The following TMEM132B variants were observed in gnomAD, a reference collection of about 807,000 sequenced individuals.
TMEM132B encodes the protein transmembrane protein 132B.
TMEM132B carries 18 observed loss-of-function variants against 90.8 expected under a neutral mutation model. The ratio of observed to expected loss-of-function variants is 0.20; its 90% confidence interval spans 0.14 to 0.29. The LOEUF (loss-of-function observed/expected upper bound fraction) is 0.29, where lower values mean the gene tolerates loss of function less well. Among genes scored for constraint, TMEM132B ranks in the 10% least tolerant of loss-of-function variants. The pLI is 1.00. For synonymous variants in TMEM132B, 504 were observed against 523.3 expected, an observed-to-expected ratio of 0.96 and a Z score of 0.50; for missense variants, 1,096 against 1,326.8, an observed-to-expected ratio of 0.83 and a Z score of 2.70.
intron 3 of TMEM132B, among the ~76,000 whole-genome samples, chr12:125,479,136 G>A (rs1299612158): frequency 5.3e-5 from 8 of 152,094 alleles, no homozygotes; most frequent in Admixed American, 1.3e-4. Flanking sequence ...AGGAACAACC[G>A]GTACCAGCCA....
chr12:125,546,114 A>G (rs528378596), intron 4 of TMEM132B, among the ~76,000 whole-genome samples: 1 of 152,260 alleles, frequency 6.6e-6, no homozygotes, highest in Non-Finnish European at 1.5e-5. Flanking sequence ...GTTCCCACAT[A>G]TATATAATGT....
At chr12:125,615,630 T>TCTTC (rs1169935113) in intron 5 of TMEM132B, among the ~76,000 whole-genome samples, 1 of 152,246 alleles carries the variant, frequency 6.6e-6, no homozygotes, top group Non-Finnish European at 1.5e-5. Flanking sequence ...CTTCTTTTAC[T>TCTTC]TCTTTATGCT....
intron 2 of TMEM132B, among the ~76,000 whole-genome samples, chr12:125,358,530 A>T (rs1258761500): frequency 1.3e-5 from 2 of 151,444 alleles, no homozygotes; most frequent in Non-Finnish European, 2.9e-5. Flanking sequence ...TTCTTTTTAT[A>T]TTTTTTTCTA....
intron 1 of TMEM132B, among the ~76,000 whole-genome samples, chr12:125,309,774 C>A (rs1358607524): frequency 6.6e-6 from 1 of 152,162 alleles, no homozygotes; most frequent in Non-Finnish European, 1.5e-5. Flanking sequence ...TGCTGCATAA[C>A]AAACTACCCC....
At chr12:125,323,325 A>G (rs979128379) in intron 1 of TMEM132B, among the ~76,000 whole-genome samples, 3 of 152,102 alleles carry the variant, frequency 2.0e-5, no homozygotes, top group Non-Finnish European at 2.9e-5. Flanking sequence ...AGTCTCAGCT[A>G]TTTGGGAGGC....
Position 125,484,912 on chromosome 12 carries a change from A to AT in TMEM132B, c.1107-34519dup, listed in dbSNP as rs202127253. 5.9e-3 allele frequency among the ~76,000 whole-genome samples: 894 copies of AT among 151,864 alleles called. 15 individuals carry two copies. Among genetic ancestry groups the AT allele is most frequent in the African/African-American group, 0.018 (763 of 41,400 alleles). On this transcript the variant is annotated intron_variant, in intron 3 of 8. Transcript: ENST00000682704. ...GAGCCACTGCACCCTATTTAGACCT[A>AT]TTTTTTTTCCACCTTTTCTCTTAAA...
chr12:125,555,684 GCA>G (rs1177255318), intron 4 of TMEM132B, among the ~76,000 whole-genome samples: 1 of 150,156 alleles, frequency 6.7e-6, no homozygotes, highest in Non-Finnish European at 1.5e-5. Flanking sequence ...TGCACGTTGT[GCA>G]CATGTACCCT....
intron 8 of TMEM132B, among the ~76,000 whole-genome samples, chr12:125,652,931 A>C (rs1226859341): frequency 6.6e-6 from 1 of 152,152 alleles, no homozygotes; most frequent in Non-Finnish European, 1.5e-5. Flanking sequence ...ACGTGTTTTC[A>C]CTTTTGCCAA....
At chr12:125,382,931 G>T (rs916871893) in intron 2 of TMEM132B, among the ~76,000 whole-genome samples, 4 of 152,194 alleles carry the variant, frequency 2.6e-5, no homozygotes, top group African/African-American at 4.8e-5. Context: ...GACAGGTAAA[G>T]GTAGGGGTCC....
chr12:125,431,995 G>A (rs774755065), intron 3 of TMEM132B, among the ~76,000 whole-genome samples: 21 of 152,104 alleles, frequency 1.4e-4, no homozygotes, highest in East Asian at 3.9e-4. Flanking sequence ...ATAGGGGGCC[G>A]TGTTTTTAAA....
At chr12:125,540,697 C>G (rs1311773801) in intron 4 of TMEM132B, among the ~76,000 whole-genome samples, 1 of 152,242 alleles carries the variant, frequency 6.6e-6, no homozygotes, top group African/African-American at 2.4e-5. Context: ...ACCAGCATCT[C>G]TTGCCTGGTT....
chr12:125,332,981 A>T (rs914513666), intron 1 of TMEM132B, among the ~76,000 whole-genome samples: 4 of 152,218 alleles, frequency 2.6e-5, no homozygotes, highest in African/African-American at 4.8e-5. Context: ...TGGGTGTTGT[A>T]ATAAGTTACC....
chr12:125,544,210 G>C (rs1884030053), intron 4 of TMEM132B, among the ~76,000 whole-genome samples: 1 of 152,116 alleles, frequency 6.6e-6, no homozygotes, highest in African/African-American at 2.4e-5. Flanking sequence ...GGTGGGTAGG[G>C]AGAGCATCAG....
At chr12:125,620,925 ACAATT>A (rs1289565633) in intron 5 of TMEM132B, among the ~76,000 whole-genome samples, 1 of 152,238 alleles carries the variant, frequency 6.6e-6, no homozygotes, top group Non-Finnish European at 1.5e-5. Context: ...TATGGGAACT[ACAATT>A]CAAGTTGAGA....
At chr12:125,358,519 C>G (rs1360123094) in intron 2 of TMEM132B, among the ~76,000 whole-genome samples, 1 of 152,044 alleles carries the variant, frequency 6.6e-6, no homozygotes, top group African/African-American at 2.4e-5. Context: ...TTTTTTTACA[C>G]TTCTTTTTAT....
intron 4 of TMEM132B, among the ~76,000 whole-genome samples, chr12:125,582,364 A>G (rs1288162827): frequency 6.6e-6 from 1 of 151,926 alleles, no homozygotes; most frequent in African/African-American, 2.4e-5. Context: ...AGTTTGGAAT[A>G]GAGAGTGCGG....
At chr12:125,423,063 C>T (rs1880214209) in intron 3 of TMEM132B, among the ~76,000 whole-genome samples, 1 of 152,152 alleles carries the variant, frequency 6.6e-6, no homozygotes, top group Admixed American at 6.5e-5. Context: ...GATGCAGATT[C>T]CCTAGCCCTT....
intron 3 of TMEM132B, among the ~76,000 whole-genome samples, chr12:125,438,627 A>G (rs1880770706): frequency 6.6e-6 from 1 of 151,412 alleles, no homozygotes; most frequent in Non-Finnish European, 1.5e-5. Context: ...GCTGGAAAAA[A>G]GAAAGCAAGA....
At chr12:125,613,387 C>T (rs1166065574) in intron 5 of TMEM132B, among the ~76,000 whole-genome samples, 1 of 150,414 alleles carries the variant, frequency 6.6e-6, no homozygotes, top group Non-Finnish European at 1.5e-5. Flanking sequence ...GTTGGATCTT[C>T]CATTTTAATC....
Sources: allele counts gnomAD v4.1 joint callset (sites outside exome capture counted in the v4.1 genomes callset), GRCh38; gene constraint gnomAD v4.1.1; transcripts MANE v1.5; gene names NCBI Gene and HGNC (gene_info 2026-07-23, HGNC 2026-07-21).